SPIRE1: variants seen among roughly 807,000 people sequenced by gnomAD.
SPIRE1 encodes spire type actin nucleation factor 1, also known as protein spire homolog 1.
A neutral mutation model predicts 94.1 loss-of-function variants in SPIRE1; 40 were observed. That is an observed-to-expected ratio of 0.43 (90% CI 0.33 to 0.55). SPIRE1 has a LOEUF of 0.55. Ranked by LOEUF, SPIRE1 falls within the 20% of genes least tolerant of loss-of-function variation. SPIRE1 has a pLI of 0.06. For missense variants in SPIRE1, 838 were observed against 975.2 expected (o/e 0.86, Z 1.87); for synonymous variants, 376 against 371.7 (o/e 1.01, Z -0.13).
chr18:12,475,882 C>T (rs531364238), intron 10 of SPIRE1, among the ~76,000 whole-genome samples: 3 of 152,324 alleles, frequency 2.0e-5, no homozygotes, highest in East Asian at 1.9e-4. Flanking sequence ...AGTCCGTACA[C>T]CCTGAGCGGG....
chr18:12,466,654 AT>A (rs2032115284), intron 10 of SPIRE1, among the ~76,000 whole-genome samples: 1 of 152,158 alleles, frequency 6.6e-6, no homozygotes, highest in Non-Finnish European at 1.5e-5. Context: ...GATAGTGAAA[AT>A]TTTTTGATGT....
chr18:12,615,345 A>AAAATAT, intron 2 of SPIRE1, among the ~76,000 whole-genome samples: 1 of 17,236 alleles, frequency 5.8e-5, no homozygotes, highest in African/African-American at 1.2e-4. Context: ...AAAAAAAAAA[A>AAAATAT]ATATATATAT....
intron 2 of SPIRE1, among the ~76,000 whole-genome samples, chr18:12,557,490 C>T (rs773524284): frequency 1.1e-4 from 17 of 152,154 alleles, no homozygotes; most frequent in African/African-American, 2.9e-4. Context: ...GGCCCGCGAG[C>T]GCCTGGCGCA....
intron 9 of SPIRE1, among the ~76,000 whole-genome samples, chr18:12,481,509 G>C (rs1037056308): frequency 6.6e-6 from 1 of 151,778 alleles, no homozygotes; most frequent in Non-Finnish European, 1.5e-5. Context: ...TGAAGGGTTT[G>C]AACAAGCTAG....
intron 10 of SPIRE1, among the ~76,000 whole-genome samples, chr18:12,472,285 C>A (rs2032392231): frequency 6.6e-6 from 1 of 151,664 alleles, no homozygotes; most frequent in Admixed American, 6.6e-5. Context: ...TAAAAACAAA[C>A]AACTAAAAAC....
chr18:12,489,901 T>G (rs774944574), intron 8 of SPIRE1, among the ~76,000 whole-genome samples: 23 of 152,242 alleles, frequency 1.5e-4, no homozygotes, highest in Non-Finnish European at 2.2e-4. Flanking sequence ...CAGGCATTTT[T>G]GCCATTGCTG....
Position 12,566,268 on chromosome 18 carries a change from G to A in SPIRE1, c.373-19364C>T, listed in dbSNP as rs539710500. Among the ~76,000 whole-genome samples, 364 of 152,200 alleles carry A rather than the reference G, an allele frequency of 2.4e-3. 4 individuals are homozygous for A. Among genetic ancestry groups the A allele is most frequent in the Non-Finnish European group, 1.7e-3 (115 of 68,004 alleles). ...GGAGAATGGCTTGAACCCGGGAGGT[G>A]GAGGTTGCGGTAAGCCGAGATTGCA... On this transcript the variant is annotated intron_variant, in intron 2 of 16. Coordinates refer to ENST00000409402, the MANE Select transcript of SPIRE1 (RefSeq NM_001128626.2).
At chr18:12,602,308 T>C (rs570875079) in intron 2 of SPIRE1, among the ~76,000 whole-genome samples, 1 of 152,140 alleles carries the variant, frequency 6.6e-6, no homozygotes, top group African/African-American at 2.4e-5. Flanking sequence ...CTGAAATGCA[T>C]ACTCAAAAGG....
chr18:12,524,766 G>A (rs930507926), intron 4 of SPIRE1, among the ~76,000 whole-genome samples: 3 of 151,972 alleles, frequency 2.0e-5, no homozygotes, highest in Non-Finnish European at 4.4e-5. Context: ...TTGAGGCCAG[G>A]AGTTTCAGAC....
At chr18:12,638,182 C>A (rs1303014927) in intron 1 of SPIRE1, among the ~76,000 whole-genome samples, 1 of 152,088 alleles carries the variant, frequency 6.6e-6, no homozygotes, top group African/African-American at 2.4e-5. Context: ...TGGTGTCTTG[C>A]GCCTGTAATC....
intron 2 of SPIRE1, among the ~76,000 whole-genome samples, chr18:12,568,237 T>C (rs2035867388): frequency 6.6e-6 from 1 of 152,258 alleles, no homozygotes; most frequent in Admixed American, 6.5e-5. Context: ...AGGTGTTAAA[T>C]GACAAATCCA....
intron 8 of SPIRE1, 120 bp downstream of exon 8, chr18:12,492,952 G>A: frequency 8.6e-7 from 1 of 1,163,088 alleles, no homozygotes; most frequent in East Asian, 2.4e-5. Flanking sequence ...GAGAACAAGT[G>A]AGTGAGATAC....
intron 13 of SPIRE1, among the ~76,000 whole-genome samples, chr18:12,453,716 G>A (rs959857476): frequency 1.3e-5 from 2 of 152,138 alleles, no homozygotes; most frequent in Non-Finnish European, 2.9e-5. Context: ...TTACAGGCGT[G>A]AGCCACTGCA....
rs1302772468 is a variant in SPIRE1 at position 12,658,102 on chromosome 18, GC to G, written c.-237del. On this transcript the variant is annotated 5_prime_UTR_variant, in exon 1 of 17. Transcript: ENST00000409402. ...GCCGCCGGCCGGTAGCGACGCGATG[GC>G]GTCCGGCGCCCCGCCCCGCCCCGCC... 1.1e-6 allele frequency: 1 copy of G among 946,612 alleles called. No homozygotes were observed. Among genetic ancestry groups the G allele is most frequent in the Non-Finnish European group, 1.3e-6 (1 of 797,748 alleles). 58.6% of individuals were successfully genotyped at this position (946,612 alleles called of 1,614,324 possible).
At position 12,546,816 on chromosome 18, in the gene SPIRE1, T is replaced by C; in HGVS notation, c.461A>G (p.Glu154Gly). 1 of 1,614,086 alleles carries C rather than the reference T, an allele frequency of 6.2e-7. No individual in the cohort carries two copies. Among genetic ancestry groups the C allele is most frequent in the Non-Finnish European group, 8.5e-7 (1 of 1,179,994 alleles). ...GTTGGCCATGTGATCGATAAGCTGC[T>C]CTAGGGGAGGGCTTAATTCCCTTTC... is the stretch of plus-strand genomic sequence containing the variant. ...NEERELSPPL[E>G]QLIDHMANTV... The change falls in exon 3 of 17, where the codon GAG becomes GGG. Residue 154 changes from glutamate (E) to glycine (G), a missense_variant. This residue lies in a region of SPIRE1 where 645 missense variants were observed against 804.7 expected (regional missense o/e 0.80). Transcript: ENST00000409402.
chr18:12,466,035 G>T (rs1013807912), intron 10 of SPIRE1, among the ~76,000 whole-genome samples: 2 of 151,292 alleles, frequency 1.3e-5, no homozygotes, highest in African/African-American at 4.9e-5. Flanking sequence ...AGTGAGCTGA[G>T]ATCGCATCAC....
At chr18:12,492,646 A>G (rs1157222562) in intron 8 of SPIRE1, among the ~76,000 whole-genome samples, 3 of 152,206 alleles carry the variant, frequency 2.0e-5, no homozygotes, top group Non-Finnish European at 2.9e-5. Flanking sequence ...TACAATTTAT[A>G]AAGTATTTTT....
At chr18:12,519,723 T>C (rs1248146157) in intron 4 of SPIRE1, among the ~76,000 whole-genome samples, 1 of 152,204 alleles carries the variant, frequency 6.6e-6, no homozygotes, top group African/African-American at 2.4e-5. Context: ...TCTGATCTCA[T>C]TTACAATAAG....
At chr18:12,558,781 T>C (rs893477541) in intron 2 of SPIRE1, among the ~76,000 whole-genome samples, 3 of 151,966 alleles carry the variant, frequency 2.0e-5, no homozygotes, top group Non-Finnish European at 2.9e-5. Context: ...AGAGGGCTGA[T>C]TGGTGCATTT....
Sources: gnomAD v4.1 joint callset for allele counts (sites outside exome capture counted in the v4.1 genomes callset) on GRCh38, gnomAD v4.1.1 for gene constraint, gnomAD v4.1.1 regional missense constraint, MANE v1.5 for transcripts, NCBI Gene and HGNC (gene_info 2026-07-23, HGNC 2026-07-21) for gene names.